Variants in GP2 observed in about 807,000 individuals in gnomAD.
The protein encoded by GP2 is pancreatic secretory granule membrane major glycoprotein GP2.
A neutral mutation model predicts 60.8 loss-of-function variants in GP2; 58 were observed. The ratio of observed to expected loss-of-function variants is 0.95; its 90% CI spans 0.77 to 1.19. The LOEUF is 1.19. Ranked by LOEUF, GP2 falls within the 50% of genes most tolerant of loss-of-function variation. The pLI is 0.00. For synonymous variants in GP2, 280 were observed against 253.4 expected (o/e 1.10, Z -1.00); for missense variants, 647 against 667.4 (o/e 0.97, Z 0.34).
At chr16:20,323,398 A>C in intron 3 of GP2, 1 of 718,412 alleles carries the variant, frequency 1.4e-6, no homozygotes, top group Non-Finnish European at 2.6e-6. Context: ...AACTGGGGAG[A>C]GGATCAAATG....
rs76993218 is a variant in GP2, at chr16:20,311,280, C to A, written c.1548G>T (p.Gly516=). 1.6e-3 allele frequency: 2,522 copies of A among 1,596,846 alleles called. 35 individuals are homozygous for A. In the African/African-American group the frequency reaches 0.026, roughly 17 times the overall value. ...GGACCATAGGCCAGGCCACCAGGAA[C>A]CCTGAAATACAAGAAATATGACTGT... The part of the protein sequence containing the change: ...GVMNGTPSTA[G]FLVAWPMVLL... Residue 516 remains glycine, a splice_region_variant and synonymous_variant, in exon 11 of 11, where the codon GGG becomes GGT. Coordinates refer to ENST00000302555, the MANE Select transcript of GP2 (RefSeq NM_001502.4).
intron 5 of GP2, 94 bp downstream of exon 5, chr16:20,320,168 G>T: frequency 1.1e-6 from 1 of 907,096 alleles, no homozygotes; most frequent in Non-Finnish European, 1.8e-6. Flanking sequence ...GCTCAGGGAA[G>T]CTAAGTGGCT....
At chr16:20,321,451 A>G (rs1393115023) in intron 4 of GP2, among the ~76,000 whole-genome samples, 3 of 152,226 alleles carry the variant, frequency 2.0e-5, no homozygotes, top group East Asian at 1.9e-4. Flanking sequence ...AAACACCAAC[A>G]TATCAACAGT....
chr16:20,318,360 A>G lies in GP2; in HGVS notation c.1078T>C (p.Tyr360His). 1 of 1,612,884 alleles carries G rather than the reference A, an allele frequency of 6.2e-7. No individual in the cohort carries two copies. Among genetic ancestry groups the G allele is most frequent in the Non-Finnish European group, 8.5e-7 (1 of 1,178,826 alleles). ...VRMALFQDQN[Y>H]TNPYEGDAVE... ...GCATCCCCTTCGTAAGGATTCGTGT[A>G]GTTCTGGTCTTGGAAGAGGGCCATC... The change falls in exon 7 of 11, where the codon TAC becomes CAC. Residue 360 changes from tyrosine to histidine, a missense_variant. Coordinates refer to ENST00000302555, the MANE Select transcript of GP2 (RefSeq NM_001502.4).
In GP2 at chr16:20,322,368, G is replaced by A. The variant is rs552863908; in HGVS notation, c.646+501C>T. Reference sequence around the variant, plus strand: ...ACTCTGCTTGCTTACCTCCTGGGACGAGAAATTCATCACCTCCTGAGCCTG... The same window carrying A: ...ACTCTGCTTGCTTACCTCCTGGGACAAGAAATTCATCACCTCCTGAGCCTG... On this transcript the variant is annotated intron_variant, in intron 4 of 10. Transcript: ENST00000302555. 3.3e-5 allele frequency among the ~76,000 whole-genome samples: 5 copies of A among 152,258 alleles called. No homozygotes were observed. The South Asian group carries it at 8.3e-4, about 25-fold the overall frequency.
Position 20,318,879 on chromosome 16 carries a change from A to G in GP2, c.1008-449T>C, listed in dbSNP as rs2141600749. 2.0e-5 allele frequency among the ~76,000 whole-genome samples: 3 copies of G among 152,274 alleles called. 1 individual carries two copies. The East Asian group carries it at 5.8e-4, about 29-fold the overall frequency. On this transcript the variant is annotated intron_variant, in intron 6 of 10. Transcript: ENST00000302555. ...CACCAAACCATCTGGAAACCACTGA[A>G]TTAGAAAATGTCTAATCCTTCTGAT...
chr16:20,318,519 G>A, intron 6 of GP2, 89 bp from the exon 7 acceptor site: 1 of 1,209,018 alleles, frequency 8.3e-7, no homozygotes, highest in Non-Finnish European at 1.2e-6. Flanking sequence ...CGAAGGCAAG[G>A]ACACACATCT....
rs1219309732 is a variant in GP2 at position 20,317,394 on chromosome 16, C to G, written c.1254-19G>C. The stretch of plus-strand genomic sequence containing the variant: ...TGAGCAGCTGGGAGGGTGACAGGGG[C>G]AAAGGTGTAACTTCTAAAAACAGCA... On this transcript the variant is annotated intron_variant, in intron 7 of 10. Coordinates refer to ENST00000302555, the MANE Select transcript of GP2 (RefSeq NM_001502.4). The G allele has an allele frequency of 1.2e-6, 2 of 1,606,610 alleles. No homozygotes were observed. Among genetic ancestry groups the G allele is most frequent in the Admixed American group, 3.3e-5 (2 of 59,770 alleles).
At chr16:20,314,583 C>A in intron 10 of GP2, 74 bp downstream of exon 10, 1 of 1,023,584 alleles carries the variant, frequency 9.8e-7, no homozygotes, top group Non-Finnish European at 1.6e-6. Context: ...GGGTCTGGGC[C>A]ATAAAAGGGG....
chr16:20,320,623 G>A, intron 4 of GP2, 150 bp from the exon 5 acceptor site: 1 of 645,478 alleles, frequency 1.5e-6, no homozygotes, highest in Non-Finnish European at 2.7e-6. Context: ...GCTGGCAGTA[G>A]GTGGGACTGG....
intron 4 of GP2, among the ~76,000 whole-genome samples, chr16:20,321,307 C>T (rs1374005604): frequency 1.3e-5 from 2 of 152,156 alleles, no homozygotes; most frequent in South Asian, 2.1e-4. Flanking sequence ...AGCGATCTGC[C>T]GGCCTCAGCC....
chr16:20,325,197 C>T (rs1320163629), intron 2 of GP2, among the ~76,000 whole-genome samples: 1 of 152,220 alleles, frequency 6.6e-6, no homozygotes, highest in Non-Finnish European at 1.5e-5. Context: ...TGGCAGGTGA[C>T]TTAAGTCCCC....
At chr16:20,312,264 A>G (rs1435941030) in intron 10 of GP2, among the ~76,000 whole-genome samples, 1 of 152,208 alleles carries the variant, frequency 6.6e-6, no homozygotes, top group African/African-American at 2.4e-5. Context: ...CCTTCCTGCC[A>G]TACTACCAAA....
chr16:20,322,124 T>C (rs1023246781), intron 4 of GP2, among the ~76,000 whole-genome samples: 1 of 152,212 alleles, frequency 6.6e-6, no homozygotes, highest in Non-Finnish European at 1.5e-5. Flanking sequence ...GTTTTCCAAA[T>C]GTGTCATGCT....
intron 1 of GP2, chr16:20,327,234 G>A (rs983050644): frequency 5.2e-5 from 17 of 328,526 alleles, no homozygotes; most frequent in Non-Finnish European, 1.0e-4. Flanking sequence ...TCCCTGGTGG[G>A]AATATCTGGG....
At chr16:20,323,022 G>A (rs760678793) in intron 3 of GP2, 43 bp from the exon 4 acceptor site, 38 of 1,169,114 alleles carry the variant, frequency 3.3e-5, no homozygotes, top group Admixed American at 5.2e-5. Flanking sequence ...GATGCAGTGC[G>A]GGCTGGACTT....
In GP2 at chr16:20,309,664, A is replaced by G. The variant is rs4780282; in HGVS notation, c.*1559T>C. ...AAAAAGAAAACAAAAGCGATGCAAA[A>G]ATACACAGTCATAAAAGGCTATGTG... On this transcript the variant is annotated 3_prime_UTR_variant, in exon 11 of 11. Coordinates refer to ENST00000302555, the MANE Select transcript of GP2 (RefSeq NM_001502.4). 124,348 of 152,042 alleles carry G rather than the reference A, an allele frequency of 0.82. 53,393 individuals carry two copies. The highest frequency in any genetic ancestry group is 0.95 in the Non-Finnish European group (64,785 of 68,012). 9.4% of individuals were successfully genotyped at this position (152,042 alleles called of 1,614,324 possible).
At position 20,319,735 on chromosome 16, in the gene GP2, G is replaced by T. The variant is rs754495761; in HGVS notation, c.892C>A (p.Leu298Ile). The change falls in exon 6 of 11, where the codon CTC (leucine) becomes ATC (isoleucine). Residue 298 changes from leucine to isoleucine, a missense_variant. Transcript: ENST00000302555. ...ATGATGAAATCATTGACCAAGGAGA[G>T]GGTGTTTTTGTAGATGGCATGGGTT... The part of the protein sequence containing the change: ...NQTHAIYKNT[L>I]SLVNDFIIRD... The T allele has an allele frequency of 1.2e-6, 2 of 1,612,668 alleles. No individual in the cohort carries two copies. Among genetic ancestry groups the T allele is most frequent in the South Asian group, 2.2e-5 (2 of 91,046 alleles).
intron 7 of GP2, among the ~76,000 whole-genome samples, chr16:20,317,763 G>T (rs1032417450): frequency 5.3e-5 from 8 of 152,116 alleles, no homozygotes; most frequent in African/African-American, 1.7e-4. Context: ...ACAAATATTA[G>T]CTAGGATTAT....
Sources: gnomAD v4.1 joint callset for allele counts (sites outside exome capture counted in the v4.1 genomes callset) on GRCh38, gnomAD v4.1.1 for gene constraint, MANE v1.5 for transcripts, NCBI Gene and HGNC (gene_info 2026-07-23, HGNC 2026-07-21) for gene names.